TARP: variants seen among roughly 807,000 people sequenced by gnomAD.
chr7:38,265,204 A>G, the TARP span: 1 of 685,872 alleles, frequency 1.5e-6, no homozygotes, highest in Non-Finnish European at 2.4e-6. Flanking sequence ...AATTCTATAG[A>G]AAAGTAGCAG....
At chr7:38,261,251 T>C in the TARP span, among the ~76,000 whole-genome samples, 1 of 151,668 alleles carries the variant, frequency 6.6e-6, no homozygotes, top group South Asian at 2.1e-4. Context: ...GACTCTATTG[T>C]AGAAAAAGAA....
chr7:38,265,480 T>C, the TARP span: 1 of 1,612,020 alleles, frequency 6.2e-7, no homozygotes, highest in Non-Finnish European at 8.5e-7. Context: ...CATGTATGTG[T>C]CGTTAGTCTT....
the TARP span, chr7:38,262,020 A>G: frequency 8.8e-4 from 616 of 703,932 alleles, no homozygotes; most frequent in African/African-American, 0.01. Context: ...TAGGTTTGTT[A>G]ATACAACTCC....
At chr7:38,262,211 G>A in the TARP span, 1 of 1,611,194 alleles carries the variant, frequency 6.2e-7, no homozygotes, top group Non-Finnish European at 8.5e-7. Flanking sequence ...GATCCATTGT[G>A]ATGACATCTA....
At chr7:38,263,200 A>T in the TARP span, among the ~76,000 whole-genome samples, 1 of 151,974 alleles carries the variant, frequency 6.6e-6, no homozygotes, top group African/African-American at 2.4e-5. Flanking sequence ...GCACTATGTT[A>T]AATGCTTCCC....
the TARP span, among the ~76,000 whole-genome samples, chr7:38,268,258 G>A: frequency 6.6e-6 from 1 of 150,654 alleles, no homozygotes; most frequent in Non-Finnish European, 1.5e-5. Flanking sequence ...ACATTTATTT[G>A]CAAAATCAAA....
the TARP span, chr7:38,265,790 T>C: frequency 7.6e-6 from 6 of 793,822 alleles, no homozygotes; most frequent in Admixed American, 2.3e-5. Flanking sequence ...GCCATTGAGC[T>C]GGTGTCCACT....
the TARP span, among the ~76,000 whole-genome samples, chr7:38,263,991 T>C: frequency 1.6e-4 from 24 of 152,036 alleles, no homozygotes; most frequent in African/African-American, 5.3e-4. Context: ...TGAAAATGAC[T>C]ATCACTTATT....
the TARP span, among the ~76,000 whole-genome samples, chr7:38,269,085 G>A: frequency 5.9e-4 from 90 of 151,546 alleles, no homozygotes; most frequent in Non-Finnish European, 1.2e-3. Context: ...CAGAGTTCCA[G>A]GTGGACCTGA....
chr7:38,271,359 CT>C, the TARP span, among the ~76,000 whole-genome samples: 773 of 151,246 alleles, frequency 5.1e-3, 4 homozygotes, highest in African/African-American at 0.018. Context: ...TAAAATGAAG[CT>C]TTTTTTCCCC....
At chr7:38,263,928 T>G in the TARP span, among the ~76,000 whole-genome samples, 2 of 151,918 alleles carry the variant, frequency 1.3e-5, no homozygotes, top group African/African-American at 4.8e-5. Context: ...CTTTAATGGG[T>G]TTTCAATGTC....
At chr7:38,267,518 C>A in the TARP span, among the ~76,000 whole-genome samples, 1 of 150,680 alleles carries the variant, frequency 6.6e-6, no homozygotes, top group Admixed American at 6.6e-5. Context: ...TTGATAATTT[C>A]TGTCTGTGTA....
At chr7:38,268,057 A>G in the TARP span, among the ~76,000 whole-genome samples, 1 of 151,468 alleles carries the variant, frequency 6.6e-6, no homozygotes, top group Non-Finnish European at 1.5e-5. Context: ...ACTTGATTAC[A>G]CATGGTAAGG....
the TARP span, among the ~76,000 whole-genome samples, chr7:38,261,209 C>G: frequency 6.6e-6 from 1 of 151,670 alleles, no homozygotes; most frequent in Non-Finnish European, 1.5e-5. Flanking sequence ...CGTTTTGTTT[C>G]AGGTTCCTGG....
chr7:38,272,487 A>G, the TARP span, among the ~76,000 whole-genome samples: 1 of 142,160 alleles, frequency 7.0e-6, no homozygotes, highest in Admixed American at 7.5e-5. Context: ...AGCCAGATCT[A>G]TTATTGTGTA....
chr7:38,267,051 G>T, the TARP span, among the ~76,000 whole-genome samples: 15 of 151,532 alleles, frequency 9.9e-5, 1 homozygote, highest in Admixed American at 2.0e-4. Flanking sequence ...TTTATACTGG[G>T]TTTTATATAA....
the TARP span, among the ~76,000 whole-genome samples, chr7:38,261,441 ACACAGCC>A: frequency 0.013 from 1,904 of 151,680 alleles, 25 homozygotes; most frequent in Non-Finnish European, 0.019. Flanking sequence ...AAAATGCAGA[ACACAGCC>A]CAAGCCCTTC....
the TARP span, among the ~76,000 whole-genome samples, chr7:38,263,797 C>G: frequency 6.6e-6 from 1 of 151,762 alleles, no homozygotes. Context: ...TTTATGCACT[C>G]ACTGAGATCT....
chr7:38,266,872 T>C, the TARP span, among the ~76,000 whole-genome samples: 8 of 151,982 alleles, frequency 5.3e-5, no homozygotes, highest in South Asian at 1.2e-3. Context: ...AAAACTCTTA[T>C]TTAAATTTTT....
Sources: gnomAD v4.1 joint callset for allele counts (sites outside exome capture counted in the v4.1 genomes callset) on GRCh38, gnomAD v4.1.1 for gene constraint, MANE v1.5 for transcripts.